Variants in CSMD3 observed in about 807,000 individuals in gnomAD.
CSMD3 encodes the protein CUB and Sushi multiple domains 3.
In CSMD3, 177 loss-of-function variants were observed where a neutral mutation model predicts 435.2. The observed-to-expected ratio is 0.41, with a 90% CI of 0.36 to 0.46. The LOEUF is 0.46. Among genes scored for constraint, CSMD3 ranks in the 20% least tolerant of loss-of-function variants. The probability of loss-of-function intolerance (pLI) is 0.34; values close to 1 mark genes in which losing one functional copy is unlikely to be tolerated. For synonymous variants in CSMD3, 1,656 were observed against 1,520.5 expected (o/e 1.09, Z -2.07); for missense variants, 4,265 against 4,504.6 (o/e 0.95, Z 1.52).
intron 1 of CSMD3, among the ~76,000 whole-genome samples, chr8:113,428,191 C>T (rs938335655): frequency 6.6e-5 from 10 of 150,450 alleles, no homozygotes; most frequent in Non-Finnish European, 1.5e-4. Flanking sequence ...TTATGTGTTA[C>T]TCCAACTGTG....
chr8:113,006,221 C>T (rs569436134), intron 6 of CSMD3, among the ~76,000 whole-genome samples: 5 of 152,128 alleles, frequency 3.3e-5, no homozygotes, highest in African/African-American at 9.6e-5. Flanking sequence ...GATTAAAATC[C>T]TATTACTTTG....
At chr8:113,429,280 T>C (rs540621555) in intron 1 of CSMD3, among the ~76,000 whole-genome samples, 2 of 151,888 alleles carry the variant, frequency 1.3e-5, no homozygotes, top group African/African-American at 2.4e-5. Context: ...GATGAAAATG[T>C]AACTAGAGAG....
Position 112,830,542 on chromosome 8 carries a change from C to T in CSMD3, c.1756-753G>A, listed in dbSNP as rs75185720. Among the ~76,000 whole-genome samples the T allele has an allele frequency of 5.1e-3, 775 of 151,876 alleles. 15 individuals carry two copies. The highest frequency in any genetic ancestry group is 0.018 in the African/African-American group (747 of 41,458). On this transcript the variant is annotated intron_variant, in intron 11 of 70. Transcript: ENST00000297405. Reference sequence around the variant, plus strand: ...GAAAAAATGTAATTAAGAATCAGTACAGAAAGAAATTACATAAAATTACAT... The same window carrying T: ...GAAAAAATGTAATTAAGAATCAGTATAGAAAGAAATTACATAAAATTACAT...
intron 30 of CSMD3, among the ~76,000 whole-genome samples, chr8:112,495,669 G>T (rs1278009213): frequency 6.6e-6 from 1 of 152,126 alleles, no homozygotes; most frequent in African/African-American, 2.4e-5. Flanking sequence ...TGTCTAGGCA[G>T]TAGCTGGAAA....
chr8:112,717,877 A>G (rs1237525303), intron 13 of CSMD3, among the ~76,000 whole-genome samples: 1 of 152,210 alleles, frequency 6.6e-6, no homozygotes, highest in South Asian at 2.1e-4. Context: ...ACACATGGAC[A>G]CAGGGAGGGG....
intron 24 of CSMD3, among the ~76,000 whole-genome samples, chr8:112,563,457 T>C (rs1365716389): frequency 6.6e-6 from 1 of 151,992 alleles, no homozygotes; most frequent in African/African-American, 2.4e-5. Flanking sequence ...AAGTTCTTAC[T>C]AGAAAATACA....
At chr8:112,254,420 T>C (rs1815593914) in intron 62 of CSMD3, 94 bp from the exon 63 acceptor site, 1 of 857,354 alleles carries the variant, frequency 1.2e-6, no homozygotes, top group Non-Finnish European at 2.0e-6. Context: ...TGGGGTTTGG[T>C]ACAAAGGATC....
chr8:112,876,714 C>T (rs2081292579), intron 10 of CSMD3, among the ~76,000 whole-genome samples: 1 of 152,156 alleles, frequency 6.6e-6, no homozygotes, highest in Non-Finnish European at 1.5e-5. Flanking sequence ...AGGATGCCCT[C>T]TCTCACTACT....
intron 59 of CSMD3, among the ~76,000 whole-genome samples, chr8:112,272,103 G>A (rs1457924478): frequency 6.6e-6 from 1 of 152,154 alleles, no homozygotes; most frequent in Non-Finnish European, 1.5e-5. Context: ...GCAACAAGTA[G>A]CCCTCACCAG....
chr8:112,337,513 C>T (rs2130963913), intron 43 of CSMD3, 30 bp downstream of exon 43: 1 of 1,578,268 alleles, frequency 6.3e-7, no homozygotes. Context: ...ATGACATCAC[C>T]TAAAAGATAG....
chr8:112,845,107 T>C (rs1457228574), intron 11 of CSMD3, among the ~76,000 whole-genome samples: 4 of 152,030 alleles, frequency 2.6e-5, no homozygotes, highest in Non-Finnish European at 5.9e-5. Context: ...GAGACATTCC[T>C]AGAAAGAGCT....
At chr8:112,432,374 T>C (rs910156731) in intron 32 of CSMD3, among the ~76,000 whole-genome samples, 1 of 152,094 alleles carries the variant, frequency 6.6e-6, no homozygotes, top group African/African-American at 2.4e-5. Flanking sequence ...TGCCATCATA[T>C]CTCACTGCAG....
chr8:112,455,055 C>T (rs1563557210), intron 32 of CSMD3, among the ~76,000 whole-genome samples: 1 of 150,568 alleles, frequency 6.6e-6, no homozygotes, highest in Non-Finnish European at 1.5e-5. Context: ...AACCAATAAA[C>T]ACAACTACCA....
rs190681508 is a variant in CSMD3 at position 113,314,423 on chromosome 8, G to T, written c.401+148C>A. 4.9e-4 allele frequency: 313 copies of T among 641,470 alleles called. 1 individual carries two copies. In the African/African-American group the frequency reaches 5.2e-3, roughly 11 times the overall value. 39.7% of individuals were successfully genotyped at this position (641,470 alleles called of 1,614,324 possible). Reference sequence around the variant, plus strand: ...GAGACACCAAGCTAATTTGTTCATGGGATGATATATTTTCAAATAAATAAT... The same window carrying T: ...GAGACACCAAGCTAATTTGTTCATGTGATGATATATTTTCAAATAAATAAT... On this transcript the variant is annotated intron_variant, in intron 2 of 70. Transcript: ENST00000297405.
intron 1 of CSMD3, among the ~76,000 whole-genome samples, chr8:113,375,341 C>T (rs140398769): frequency 1.1e-4 from 16 of 152,096 alleles, no homozygotes; most frequent in South Asian, 4.1e-4. Context: ...TACCGAATAT[C>T]TACTTTGTGC....
intron 3 of CSMD3, among the ~76,000 whole-genome samples, chr8:113,269,233 C>T (rs913243641): frequency 6.6e-6 from 1 of 151,954 alleles, no homozygotes; most frequent in Non-Finnish European, 1.5e-5. Flanking sequence ...AATAAAATAC[C>T]TAGGAATCTA....
chr8:112,510,467 T>A (rs572720136), intron 28 of CSMD3, among the ~76,000 whole-genome samples: 1 of 152,330 alleles, frequency 6.6e-6, no homozygotes, highest in South Asian at 2.1e-4. Flanking sequence ...AATGCCTGTT[T>A]CCCTTCTACA....
chr8:112,685,509 C>T lies in CSMD3; in HGVS notation c.2379G>A (p.Gly793=), dbSNP rs2131803389. 1 of 1,613,976 alleles carries T rather than the reference C, an allele frequency of 6.2e-7. No homozygotes were observed. ...TAGTAAGATGGGAAGGCACCTCAGC[C>T]CCAGTAAAGGTTCCAAGAATTGGGG... ...PESPILGTFT[G]AEVPSHLTSN... The change falls in exon 15 of 71, where the codon GGG becomes GGA. Residue 793 remains glycine, a synonymous_variant. Coordinates refer to ENST00000297405, the MANE Select transcript of CSMD3 (RefSeq NM_198123.2).
chr8:112,801,914 C>T (rs2078970823), intron 12 of CSMD3, among the ~76,000 whole-genome samples: 1 of 151,946 alleles, frequency 6.6e-6, no homozygotes, highest in South Asian at 2.1e-4. Flanking sequence ...TGAAGTATTG[C>T]TCTTTTTTAC....
Sources: gnomAD v4.1 joint callset for allele counts (sites outside exome capture counted in the v4.1 genomes callset) on GRCh38, gnomAD v4.1.1 for gene constraint, MANE v1.5 for transcripts, NCBI Gene and HGNC (gene_info 2026-07-23, HGNC 2026-07-21) for gene names.